The following TTC28 variants were observed in gnomAD, a reference collection of about 807,000 sequenced individuals.
The protein encoded by TTC28 is tetratricopeptide repeat domain 28.
In TTC28, 61 loss-of-function variants were observed where a neutral mutation model predicts 198.0. The observed-to-expected ratio is 0.31, with a 90% CI of 0.25 to 0.38. The LOEUF is 0.38. Among genes scored for constraint, TTC28 ranks in the 10% least tolerant of loss-of-function variants. TTC28 has a pLI of 1.00. For missense variants in TTC28, 2,678 were observed against 3,164.0 expected, an observed-to-expected ratio of 0.85 and a Z score of 3.69; for synonymous variants, 1,171 against 1,297.8, an observed-to-expected ratio of 0.90 and a Z score of 2.10.
At chr22:27,997,518 C>T (rs536883446) in intron 16 of TTC28, 15 of 152,350 alleles carry the variant, frequency 9.8e-5, no homozygotes, top group Admixed American at 3.3e-4. Context: ...GAAAATGACA[C>T]CAGCAATATC....
intron 2 of TTC28, among the ~76,000 whole-genome samples, chr22:28,524,759 A>G (rs2048976358): frequency 6.6e-6 from 1 of 152,240 alleles, no homozygotes; most frequent in African/African-American, 2.4e-5. Context: ...AAAATTATAA[A>G]TTCCAGCATT....
At chr22:28,089,062 G>T (rs1325298600) in intron 12 of TTC28, among the ~76,000 whole-genome samples, 4 of 152,200 alleles carry the variant, frequency 2.6e-5, no homozygotes, top group Non-Finnish European at 5.9e-5. Flanking sequence ...TTACACTGTT[G>T]TTGGGACTGT....
chr22:28,456,393 A>G (rs1279026197), intron 2 of TTC28, among the ~76,000 whole-genome samples: 1 of 152,180 alleles, frequency 6.6e-6, no homozygotes, highest in East Asian at 1.9e-4. Flanking sequence ...CTAGAATTAG[A>G]TAATGGTGAT....
chr22:27,993,577 G>A (rs2146526918), intron 17 of TTC28, 59 bp from the exon 18 acceptor site: 1 of 1,456,650 alleles, frequency 6.9e-7, no homozygotes, highest in East Asian at 2.5e-5. Context: ...CCATCCGCAT[G>A]GCTTTGAGGG....
chr22:28,531,873 C>T (rs2049147896), intron 2 of TTC28, among the ~76,000 whole-genome samples: 1 of 152,138 alleles, frequency 6.6e-6, no homozygotes, highest in Non-Finnish European at 1.5e-5. Context: ...AGAACAAAGA[C>T]ACAACATGCC....
intron 2 of TTC28, among the ~76,000 whole-genome samples, chr22:28,624,729 A>G (rs2051050904): frequency 6.6e-6 from 1 of 152,146 alleles, no homozygotes; most frequent in South Asian, 2.1e-4. Flanking sequence ...ATACTTTACA[A>G]CTCATTACAT....
rs544501236 is a variant in TTC28 at position 28,625,223 on chromosome 22, A to G, written c.381+4329T>C. On this transcript the variant is annotated intron_variant, in intron 2 of 22. Transcript: ENST00000397906. ...CAGCGCAATAGAGCAAAAAGTGAAG[A>G]AAAAGAAAAAGAAAGAAAAGGCATA... Among the ~76,000 whole-genome samples the G allele has an allele frequency of 7.2e-5, 11 of 152,310 alleles. 1 individual carries two copies. In the South Asian group the frequency reaches 2.3e-3, roughly 32 times the overall value.
chr22:28,614,702 CCTATTTAATAAATG>C (rs1390757482), intron 2 of TTC28, among the ~76,000 whole-genome samples: 2 of 152,102 alleles, frequency 1.3e-5, no homozygotes, highest in African/African-American at 4.8e-5. Flanking sequence ...GGAAGGATTC[CCTATTTAATAAATG>C]GTGCTGGGAA....
intron 12 of TTC28, among the ~76,000 whole-genome samples, chr22:28,071,499 G>A (rs571935486): frequency 3.4e-5 from 5 of 145,120 alleles, no homozygotes; most frequent in Admixed American, 1.4e-4. Context: ...ACCAAACACC[G>A]CATATTCTCA....
chr22:28,150,438 T>A (rs1462092540), intron 6 of TTC28, among the ~76,000 whole-genome samples: 2 of 152,210 alleles, frequency 1.3e-5, no homozygotes, highest in South Asian at 4.1e-4. Flanking sequence ...CTGATTCTGA[T>A]GCTCTATATT....
In TTC28 at chr22:28,411,071, T is replaced by C. The variant is rs1195819882; in HGVS notation, c.382-104428A>G. Among the ~76,000 whole-genome samples, 6 of 152,194 alleles carry C rather than the reference T, an allele frequency of 3.9e-5. No homozygotes were observed. In the East Asian group the frequency reaches 5.8e-4, roughly 15 times the overall value. ...TTTATTTTCAAGTTTGTGTAAGAAA[T>C]AGATGGACTAAGTTCTCTTGCTAAA... On this transcript the variant is annotated intron_variant, in intron 2 of 22. Coordinates refer to ENST00000397906, the MANE Select transcript of TTC28 (RefSeq NM_001145418.2).
chr22:28,495,403 A>G (rs2048441120), intron 2 of TTC28, among the ~76,000 whole-genome samples: 1 of 152,200 alleles, frequency 6.6e-6, no homozygotes, highest in African/African-American at 2.4e-5. Context: ...AAACAGGACA[A>G]TGGCTGAATC....
intron 1 of TTC28, among the ~76,000 whole-genome samples, chr22:28,638,457 C>T (rs545351039): frequency 6.6e-6 from 1 of 151,716 alleles, no homozygotes. Context: ...ATAAATATGA[C>T]AACATAAAAA....
chr22:28,629,169 A>AC (rs1332695963), intron 2 of TTC28, among the ~76,000 whole-genome samples: 1 of 152,186 alleles, frequency 6.6e-6, no homozygotes, highest in Non-Finnish European at 1.5e-5. Flanking sequence ...ACAGTCATTG[A>AC]CAGAGAATGA....
chr22:28,612,316 A>G (rs1449398123), intron 2 of TTC28, among the ~76,000 whole-genome samples: 4 of 152,186 alleles, frequency 2.6e-5, no homozygotes, highest in Non-Finnish European at 5.9e-5. Flanking sequence ...GAGCACCCAG[A>G]TTCATAAAGC....
At chr22:28,059,245 A>C (rs550715417) in intron 12 of TTC28, among the ~76,000 whole-genome samples, 256 of 152,002 alleles carry the variant, frequency 1.7e-3, no homozygotes, top group African/African-American at 6.0e-3. Flanking sequence ...TAAAACTATA[A>C]ATTTCCTTCT....
intron 2 of TTC28, among the ~76,000 whole-genome samples, chr22:28,578,389 C>T (rs2146046609): frequency 6.6e-6 from 1 of 152,050 alleles, no homozygotes; most frequent in East Asian, 1.9e-4. Context: ...GTAGTTTACA[C>T]CACTGGCATA....
intron 2 of TTC28, among the ~76,000 whole-genome samples, chr22:28,351,632 G>A (rs548669733): frequency 9.2e-5 from 14 of 152,280 alleles, no homozygotes; most frequent in East Asian, 1.9e-4. Flanking sequence ...CAGAGCCAAT[G>A]TTAACCCTCC....
chr22:27,999,019 G>A lies in TTC28; in HGVS notation c.4640C>T (p.Thr1547Ile). 1.3e-6 allele frequency: 2 copies of A among 1,550,382 alleles called. No homozygotes were observed. The highest frequency in any genetic ancestry group is 1.7e-6 in the Non-Finnish European group (2 of 1,146,986). Residue 1547 changes from threonine (T) to isoleucine (I), a missense_variant, in exon 16 of 23, where the codon ACC becomes ATC. Transcript: ENST00000397906. Reference protein sequence around the residue: ...LTQAECVHFATHISWKLSALV... With the variant: ...LTQAECVHFAIHISWKLSALV... ...GGCCGACAGCTTCCAGGAGATGTGGGTGGCAAAGTGGACGCATTCAGCCTG... is the reference window on the plus strand; with the variant it reads ...GGCCGACAGCTTCCAGGAGATGTGGATGGCAAAGTGGACGCATTCAGCCTG...
Sources: gnomAD v4.1 joint callset for allele counts (sites outside exome capture counted in the v4.1 genomes callset) on GRCh38, gnomAD v4.1.1 for gene constraint, MANE v1.5 for transcripts, NCBI Gene and HGNC (gene_info 2026-07-23, HGNC 2026-07-21) for gene names.